UNC13C: variants seen among roughly 807,000 people sequenced by gnomAD.
The protein encoded by UNC13C is protein unc-13 homolog C.
A neutral mutation model predicts 245.4 loss-of-function variants in UNC13C; 174 were observed. The observed-to-expected ratio is 0.71, with a 90% confidence interval of 0.63 to 0.80. The LOEUF is 0.80. Ranked by LOEUF, UNC13C falls within the 30% of genes least tolerant of loss-of-function variation. The pLI, the probability that UNC13C is intolerant of heterozygous loss-of-function variation, is 0.00. For synonymous variants in UNC13C, 992 were observed against 895.1 expected (o/e 1.11, Z -1.93); for missense variants, 2,829 against 2,602.9 (o/e 1.09, Z -1.89).
intron 19 of UNC13C, 43 bp from the exon 20 acceptor site, chr15:54,494,565 G>A (rs1027626989): frequency 1.1e-5 from 16 of 1,491,208 alleles, no homozygotes; most frequent in Non-Finnish European, 1.4e-5. Context: ...CAGCATTGTT[G>A]GCAAACCAAG....
intron 30 of UNC13C, 124 bp downstream of exon 30, chr15:54,568,071 GGA>G (rs1897595226): frequency 1.5e-6 from 1 of 655,094 alleles, no homozygotes; most frequent in Non-Finnish European, 2.3e-6. Context: ...CATTAAAAAT[GGA>G]GAGTTATGGT....
chr15:53,952,663 C>T, the UNC13C span, among the ~76,000 whole-genome samples: 11 of 152,124 alleles, frequency 7.2e-5, no homozygotes, highest in African/African-American at 2.2e-4. Flanking sequence ...AAAAACTCGC[C>T]AGATGATTTT....
At chr15:54,073,830 C>T in intron 2 of UNC13C, among the ~76,000 whole-genome samples, 1 of 152,122 alleles carries the variant, frequency 6.6e-6, no homozygotes. Flanking sequence ...CTGTAGGTTG[C>T]CTGTTAACTC....
intron 2 of UNC13C, among the ~76,000 whole-genome samples, chr15:54,070,113 A>C (rs762680841): frequency 3.9e-5 from 6 of 152,186 alleles, no homozygotes; most frequent in Non-Finnish European, 7.4e-5. Flanking sequence ...GGGCGATTTT[A>C]CCACAATGTC....
intron 2 of UNC13C, among the ~76,000 whole-genome samples, chr15:54,102,277 A>G (rs972562509): frequency 2.0e-5 from 3 of 152,096 alleles, no homozygotes; most frequent in Non-Finnish European, 4.4e-5. Flanking sequence ...ACTGAGAGCT[A>G]GACACACAGT....
chr15:54,449,144 A>G (rs1048050333), intron 19 of UNC13C, among the ~76,000 whole-genome samples: 1 of 152,160 alleles, frequency 6.6e-6, no homozygotes, highest in African/African-American at 2.4e-5. Context: ...CGAGAGATCC[A>G]CTGTTAGTCT....
At chr15:54,197,063 T>A in intron 4 of UNC13C, among the ~76,000 whole-genome samples, 1 of 151,852 alleles carries the variant, frequency 6.6e-6, no homozygotes, top group Admixed American at 6.6e-5. Flanking sequence ...ATAATAATAA[T>A]TAAAAAGAAA....
chr15:54,022,608 C>G (rs1595727743), intron 2 of UNC13C, among the ~76,000 whole-genome samples: 1 of 152,188 alleles, frequency 6.6e-6, no homozygotes, highest in African/African-American at 2.4e-5. Flanking sequence ...TATTTTCTTG[C>G]TATTGACTTG....
chr15:54,099,545 T>C (rs1900055636), intron 2 of UNC13C, among the ~76,000 whole-genome samples: 2 of 152,152 alleles, frequency 1.3e-5, no homozygotes, highest in Admixed American at 1.3e-4. Context: ...ACCATTCATG[T>C]TCACATTCTG....
chr15:54,288,486 C>T (rs908660898), intron 10 of UNC13C, among the ~76,000 whole-genome samples: 1 of 151,288 alleles, frequency 6.6e-6, no homozygotes, highest in Non-Finnish European at 1.5e-5. Flanking sequence ...AGATGCTCTA[C>T]TTGGAGTCTT....
chr15:53,890,553 G>A, the UNC13C span, among the ~76,000 whole-genome samples: 1 of 152,200 alleles, frequency 6.6e-6, no homozygotes, highest in Non-Finnish European at 1.5e-5. Context: ...CTTGTTATTG[G>A]TCTATTCAGG....
intron 2 of UNC13C, among the ~76,000 whole-genome samples, chr15:54,109,088 C>T (rs1198266075): frequency 6.6e-6 from 1 of 152,082 alleles, no homozygotes; most frequent in African/African-American, 2.4e-5. Flanking sequence ...TATTATGCAC[C>T]TCCTGTAATG....
intron 24 of UNC13C, among the ~76,000 whole-genome samples, chr15:54,524,873 C>T (rs1566887575): frequency 1.3e-5 from 2 of 152,138 alleles, no homozygotes. Context: ...GAGTCACGTT[C>T]CAATTTCAGA....
chr15:54,223,622 T>C (rs537714540), intron 4 of UNC13C, among the ~76,000 whole-genome samples: 1 of 152,180 alleles, frequency 6.6e-6, no homozygotes, highest in Admixed American at 6.6e-5. Flanking sequence ...CCTGAGTCTT[T>C]TGCAATTCCA....
At chr15:53,990,602 TA>T (rs933147564) in intron 1 of UNC13C, among the ~76,000 whole-genome samples, 4 of 152,038 alleles carry the variant, frequency 2.6e-5, no homozygotes, top group Admixed American at 6.6e-5. Context: ...TTCCAAAACC[TA>T]AAAAATTTCT....
At chr15:54,004,205 C>T (rs1387023665) in intron 1 of UNC13C, among the ~76,000 whole-genome samples, 2 of 152,156 alleles carry the variant, frequency 1.3e-5, no homozygotes, top group East Asian at 3.8e-4. Flanking sequence ...TACTTTCTAT[C>T]TCCATGAGTT....
chr15:54,442,113 AAG>A (rs1404958121), intron 19 of UNC13C, among the ~76,000 whole-genome samples: 3 of 152,010 alleles, frequency 2.0e-5, no homozygotes, highest in African/African-American at 4.8e-5. Flanking sequence ...GTCTTCCACA[AAG>A]AGAGATAATT....
At chr15:54,363,301 G>A (rs1158211580) in intron 17 of UNC13C, among the ~76,000 whole-genome samples, 2 of 152,116 alleles carry the variant, frequency 1.3e-5, no homozygotes, top group African/African-American at 4.8e-5. Context: ...TAGACACGGG[G>A]TTTTGCCATG....
chr15:54,016,361 T>C (rs956114090), intron 2 of UNC13C, among the ~76,000 whole-genome samples: 2 of 152,292 alleles, frequency 1.3e-5, no homozygotes, highest in African/African-American at 4.8e-5. Context: ...TCCTATCCAT[T>C]CAACAATTTA....
Sources: allele counts gnomAD v4.1 joint callset (sites outside exome capture counted in the v4.1 genomes callset), GRCh38; gene constraint gnomAD v4.1.1; transcripts MANE v1.5; gene names NCBI Gene and HGNC (gene_info 2026-07-23, HGNC 2026-07-21).